The following GPR176 variants were observed in gnomAD, a reference collection of about 807,000 sequenced individuals.
GPR176 encodes G-protein coupled receptor 176.
Under a neutral mutation model 35.4 loss-of-function variants are expected in GPR176, and 26 were observed. The ratio of observed to expected loss-of-function variants is 0.74; its 90% CI spans 0.54 to 1.02. The LOEUF is 1.02. GPR176 is among the 50% of genes least tolerant of loss of function. The probability of loss-of-function intolerance (pLI) is 0.00; values close to 1 mark genes in which losing one functional copy is unlikely to be tolerated. For synonymous variants in GPR176, 278 were observed against 271.3 expected (o/e 1.02, Z -0.24); for missense variants, 597 against 665.3 (o/e 0.90, Z 1.13).
At chr15:39,835,020 C>CT (rs1184461535) in intron 1 of GPR176, among the ~76,000 whole-genome samples, 10 of 151,590 alleles carry the variant, frequency 6.6e-5, no homozygotes, top group Admixed American at 3.3e-4. Context: ...ATCAAAATAT[C>CT]TTTTTTTTTA....
chr15:39,856,977 G>C (rs572616637), intron 1 of GPR176, among the ~76,000 whole-genome samples: 1 of 152,214 alleles, frequency 6.6e-6, no homozygotes, highest in East Asian at 1.9e-4. Flanking sequence ...TGCACAGTAG[G>C]CATTCCATAT....
intron 1 of GPR176, among the ~76,000 whole-genome samples, chr15:39,880,735 A>G (rs1355854823): frequency 6.6e-6 from 1 of 152,120 alleles, no homozygotes; most frequent in Non-Finnish European, 1.5e-5. Context: ...TCTTAACGCA[A>G]CCTTCACCCC....
intron 1 of GPR176, among the ~76,000 whole-genome samples, chr15:39,895,231 C>A (rs1368238027): frequency 8.5e-6 from 1 of 117,654 alleles, no homozygotes; most frequent in Admixed American, 1.0e-4. Flanking sequence ...AGAGGGAGAC[C>A]GTGGGGAGAG....
At chr15:39,852,459 G>C (rs948498560) in intron 1 of GPR176, among the ~76,000 whole-genome samples, 4 of 152,192 alleles carry the variant, frequency 2.6e-5, no homozygotes, top group Non-Finnish European at 5.9e-5. Flanking sequence ...TTACACAAGA[G>C]CTAAGATTTT....
intron 1 of GPR176, among the ~76,000 whole-genome samples, chr15:39,818,134 T>G (rs1373770772): frequency 1.3e-5 from 2 of 152,356 alleles, no homozygotes; most frequent in East Asian, 3.9e-4. Context: ...TACAATTTGC[T>G]CTTCCTGCCA....
intron 1 of GPR176, among the ~76,000 whole-genome samples, chr15:39,846,369 G>A (rs992440103): frequency 6.6e-6 from 1 of 152,176 alleles, no homozygotes; most frequent in African/African-American, 2.4e-5. Flanking sequence ...AAGAAAGGAT[G>A]GTAACAGGCA....
intron 1 of GPR176, among the ~76,000 whole-genome samples, chr15:39,917,338 G>T (rs1183229240): frequency 6.7e-6 from 1 of 148,734 alleles, no homozygotes; most frequent in Non-Finnish European, 1.5e-5. Context: ...TGTTGTGATT[G>T]AACTTTTTTT....
At chr15:39,904,921 C>T (rs1393774339) in intron 1 of GPR176, among the ~76,000 whole-genome samples, 1 of 152,184 alleles carries the variant, frequency 6.6e-6, no homozygotes, top group Non-Finnish European at 1.5e-5. Flanking sequence ...AGGGCATCAT[C>T]ACCATCAAGG....
intron 1 of GPR176, among the ~76,000 whole-genome samples, chr15:39,876,821 A>C (rs2032265585): frequency 6.7e-6 from 1 of 149,896 alleles, no homozygotes; most frequent in Non-Finnish European, 1.5e-5. Context: ...TGTTACAAAA[A>C]GAGAGAGAGA....
intron 1 of GPR176, among the ~76,000 whole-genome samples, chr15:39,891,403 G>A (rs1350662572): frequency 2.0e-5 from 3 of 152,140 alleles, no homozygotes; most frequent in Non-Finnish European, 4.4e-5. Flanking sequence ...GTGTCGCCCA[G>A]GCTGGAGTGC....
At chr15:39,828,921 T>C (rs556349131) in intron 1 of GPR176, among the ~76,000 whole-genome samples, 1 of 152,318 alleles carries the variant, frequency 6.6e-6, no homozygotes, top group Admixed American at 6.5e-5. Context: ...GTAGATTTAG[T>C]GTGCTAACAT....
intron 1 of GPR176, among the ~76,000 whole-genome samples, chr15:39,809,268 TCTC>T (rs1012077646): frequency 1.3e-5 from 2 of 152,182 alleles, no homozygotes; most frequent in Non-Finnish European, 2.9e-5. Context: ...GCTCTCGCTC[TCTC>T]CTCATTTAAA....
intron 1 of GPR176, among the ~76,000 whole-genome samples, chr15:39,837,831 A>C (rs765881812): frequency 6.6e-6 from 1 of 151,986 alleles, no homozygotes; most frequent in Non-Finnish European, 1.5e-5. Context: ...AGTACAACAT[A>C]GTGCTTGGCT....
intron 1 of GPR176, among the ~76,000 whole-genome samples, chr15:39,847,259 C>T (rs867767689): frequency 6.6e-6 from 1 of 152,100 alleles, no homozygotes; most frequent in African/African-American, 2.4e-5. Context: ...AAATAGCAGA[C>T]TTAAGCCCTA....
At chr15:39,812,349 G>GA (rs1393764113) in intron 1 of GPR176, among the ~76,000 whole-genome samples, 4 of 152,216 alleles carry the variant, frequency 2.6e-5, no homozygotes, top group Admixed American at 6.5e-5. Flanking sequence ...AAAAGCAGCA[G>GA]AAAAACGTGG....
At chr15:39,840,592 T>C (rs1376742104) in intron 1 of GPR176, among the ~76,000 whole-genome samples, 9 of 152,136 alleles carry the variant, frequency 5.9e-5, no homozygotes, top group Non-Finnish European at 1.2e-4. Flanking sequence ...GTAACAAACC[T>C]GCACGTTGTG....
intron 1 of GPR176, among the ~76,000 whole-genome samples, chr15:39,855,550 G>A (rs191555265): frequency 6.6e-6 from 1 of 152,194 alleles, no homozygotes; most frequent in Admixed American, 6.5e-5. Context: ...CACAGCAGCA[G>A]GAGTTTTGGT....
intron 1 of GPR176, among the ~76,000 whole-genome samples, chr15:39,863,760 T>A (rs2031709456): frequency 6.6e-6 from 1 of 152,194 alleles, no homozygotes; most frequent in Non-Finnish European, 1.5e-5. Flanking sequence ...CCTTTTTATG[T>A]TAGATACACA....
At chr15:39,904,893 G>A (rs1322795458) in intron 1 of GPR176, among the ~76,000 whole-genome samples, 2 of 152,204 alleles carry the variant, frequency 1.3e-5, no homozygotes, top group African/African-American at 4.8e-5. Flanking sequence ...TTTGCAGGGA[G>A]CAAGGACAGA....
Sources: gnomAD v4.1 joint callset for allele counts (sites outside exome capture counted in the v4.1 genomes callset) on GRCh38, gnomAD v4.1.1 for gene constraint, MANE v1.5 for transcripts, NCBI Gene and HGNC (gene_info 2026-07-23, HGNC 2026-07-21) for gene names.